ANO1: variants seen among roughly 807,000 people sequenced by gnomAD.
ANO1 encodes anoctamin-1.
Under a neutral mutation model 124.0 loss-of-function variants are expected in ANO1, and 59 were observed. The ratio of observed to expected loss-of-function variants is 0.48; its 90% CI spans 0.39 to 0.59. The LOEUF (loss-of-function observed/expected upper bound fraction) is 0.59, where lower values mean the gene tolerates loss of function less well. ANO1 is among the 20% of genes least tolerant of loss of function. ANO1 has a pLI of 0.00. For synonymous variants in ANO1, 529 were observed against 532.0 expected (o/e 0.99, Z 0.08); for missense variants, 1,059 against 1,328.0 (o/e 0.80, Z 3.15).
the ANO1 span, among the ~76,000 whole-genome samples, chr11:69,969,131 C>A: frequency 6.6e-6 from 1 of 152,216 alleles, no homozygotes; most frequent in Non-Finnish European, 1.5e-5. Context: ...GGATGTTAGA[C>A]AGCCACGGGA....
intron 1 of ANO1, among the ~76,000 whole-genome samples, chr11:69,993,192 T>C (rs1298986242): frequency 1.3e-5 from 2 of 152,196 alleles, no homozygotes; most frequent in East Asian, 1.9e-4. Context: ...TGTTTGCCCC[T>C]GGGTGTGGTG....
rs71046578 is a variant in ANO1, at chr11:70,095,248, AAAGGAAGGAAGGAAGG to A, written c.441+7203_441+7218del. Among the ~76,000 whole-genome samples the A allele has an allele frequency of 3.3e-3, 121 of 36,988 alleles. 5 individuals are homozygous for A. Among genetic ancestry groups the A allele is most frequent in the African/African-American group, 0.013 (114 of 9,034 alleles). 24.3% of individuals were successfully genotyped at this position (36,988 alleles called of 152,430 possible). On this transcript the variant is annotated intron_variant, in intron 2 of 25. Transcript: ENST00000355303. ...AGAGAGAGAGGAAAGAAAGAAAAAG[AAAGGAAGGAAGGAAGG>A]AAGGAAGGAAGGAAGGAAGGAAGGA...
At chr11:70,151,376 G>A (rs1356575463) in intron 12 of ANO1, among the ~76,000 whole-genome samples, 1 of 152,186 alleles carries the variant, frequency 6.6e-6, no homozygotes, top group African/African-American at 2.4e-5. Context: ...GGGCAGAGCG[G>A]GGGCAGAGCC....
chr11:70,099,259 C>T (rs1027590465), intron 2 of ANO1, among the ~76,000 whole-genome samples: 2 of 152,138 alleles, frequency 1.3e-5, no homozygotes, highest in South Asian at 2.1e-4. Flanking sequence ...GTGGTCAGCC[C>T]GGGCACCATG....
chr11:70,110,572 C>T (rs1360942050), intron 6 of ANO1, among the ~76,000 whole-genome samples: 1 of 152,146 alleles, frequency 6.6e-6, no homozygotes, highest in Non-Finnish European at 1.5e-5. Context: ...CTAAGCATCC[C>T]TTAGTCCCCT....
Position 70,097,938 on chromosome 11 carries a change from G to A in ANO1, c.442-5128G>A, listed in dbSNP as rs138521361. Among the ~76,000 whole-genome samples the A allele has an allele frequency of 5.1e-3, 771 of 152,328 alleles. 3 individuals carry two copies. Among genetic ancestry groups the A allele is most frequent in the Non-Finnish European group, 8.1e-3 (549 of 68,028 alleles). ...CCGTGCTGGAAGCTGGTGCCAACGG[G>A]GAGAGACAGGCAGATGCCAGGGCTG... is the stretch of plus-strand genomic sequence containing the variant. On this transcript the variant is annotated intron_variant, in intron 2 of 25. Transcript: ENST00000355303.
In ANO1 at chr11:70,027,837, G is replaced by A. The variant is rs868983307; in HGVS notation, c.58+41671G>A. On this transcript the variant is annotated intron_variant, in intron 1 of 27. Coordinates refer to the ANO1 transcript ENST00000531349. ...GAGGTGGTGCTTGCCTGCACTGGAC[G>A]TGGTTAAGCTGCCACCACGGAGGCG... Among the ~76,000 whole-genome samples the A allele has an allele frequency of 5.3e-5, 8 of 152,280 alleles. No homozygotes were observed. The South Asian group carries it at 8.3e-4, about 16-fold the overall frequency.
the ANO1 span, among the ~76,000 whole-genome samples, chr11:69,968,507 A>G: frequency 6.6e-6 from 1 of 152,242 alleles, no homozygotes; most frequent in East Asian, 1.9e-4. Context: ...GAGGAATGTG[A>G]ATTAAGCAAT....
upstream of ANO1, among the ~76,000 whole-genome samples, chr11:70,077,511 C>T (rs960231712): frequency 2.0e-5 from 3 of 152,152 alleles, no homozygotes; most frequent in Admixed American, 2.0e-4. Context: ...GGGAAGAAGA[C>T]TTGAAGATCT....
chr11:70,182,621 T>A lies in ANO1; in HGVS notation c.2523T>A (p.Ser841Arg), dbSNP rs1010117518. The part of the protein sequence containing the change: ...VNHTLSSFNV[S>R]DFQNGTAPND... ...ACACCCTCTCCTCCTTCAACGTCAGTGACTTCCAGAACGGCACGGCCCCCA... is the reference window on the plus strand; with the variant it reads ...ACACCCTCTCCTCCTTCAACGTCAGAGACTTCCAGAACGGCACGGCCCCCA... Residue 841 changes from serine to arginine, a missense_variant, in exon 24 of 26, where the codon AGT (serine) becomes AGA (arginine). Ser to Arg is a moderately radical substitution (Grantham distance 110). Around this residue, in one of 2 missense-constraint regions of ANO1, gnomAD observed 809 missense variants for 1,094.9 expected, o/e 0.74. Transcript: ENST00000355303. 2 of 1,613,546 alleles carry A rather than the reference T, an allele frequency of 1.2e-6. No homozygotes were observed. The highest frequency in any genetic ancestry group is 1.7e-6 in the Non-Finnish European group (2 of 1,179,710).
intron 11 of ANO1, among the ~76,000 whole-genome samples, chr11:70,133,410 A>G (rs1001442271): frequency 1.3e-5 from 2 of 152,164 alleles, no homozygotes; most frequent in African/African-American, 4.8e-5. Context: ...CCTCCTGACC[A>G]AGGAGCAGCT....
At chr11:70,122,363 C>G (rs1262609044) in intron 8 of ANO1, among the ~76,000 whole-genome samples, 1 of 133,974 alleles carries the variant, frequency 7.5e-6, no homozygotes, top group Non-Finnish European at 1.6e-5. Flanking sequence ...CTCTCTCTCT[C>G]CGTCTCCCCC....
rs78353548 is a variant in ANO1 at position 70,037,637 on chromosome 11, G to C, written c.59-40905G>C. Among the ~76,000 whole-genome samples, 24 of 152,050 alleles carry C rather than the reference G, an allele frequency of 1.6e-4. 1 individual carries two copies. Among genetic ancestry groups the C allele is most frequent in the Admixed American group, 1.5e-3 (23 of 15,268 alleles). On this transcript the variant is annotated intron_variant, in intron 1 of 27. Coordinates refer to the ANO1 transcript ENST00000531349. ...CAGCTGAGGGGTCCCTGGGAGAGGC[G>C]CTCCCTGAGCCTCAGCTTTGACTTC... is the stretch of plus-strand genomic sequence containing the variant.
chr11:70,111,678 A>G (rs753540729), intron 6 of ANO1, 29 bp from the exon 7 acceptor site: 7 of 1,613,356 alleles, frequency 4.3e-6, no homozygotes, highest in South Asian at 3.3e-5. Context: ...CGCCTGCCCC[A>G]TAACCTTCTC....
intron 20 of ANO1, among the ~76,000 whole-genome samples, chr11:70,166,539 C>G (rs1338583415): frequency 1.3e-5 from 2 of 152,138 alleles, no homozygotes; most frequent in Non-Finnish European, 2.9e-5. Context: ...AAATCCATGT[C>G]CCATTCCCAC....
chr11:70,128,149 T>G (rs2046597315), intron 10 of ANO1, among the ~76,000 whole-genome samples: 1 of 152,122 alleles, frequency 6.6e-6, no homozygotes, highest in African/African-American at 2.4e-5. Context: ...GAATAACACC[T>G]AAAATATTCC....
chr11:70,111,165 G>C lies in ANO1; in HGVS notation c.800-542G>C, dbSNP rs1411680323. The C allele has an allele frequency of 2.0e-5, 9 of 457,196 alleles. No homozygotes were observed. In the Admixed American group the frequency reaches 2.1e-4, roughly 11 times the overall value. The allele number at this position is 457,196 out of a possible 1,614,324, so 28.3% of individuals were successfully genotyped here. On this transcript the variant is annotated intron_variant, in intron 6 of 25. Coordinates refer to ENST00000355303, the MANE Select transcript of ANO1 (RefSeq NM_018043.7). ...AGAAAGAAGGACTCCGCCCTTCTAA[G>C]TAAAAGGCGGAAATGTGGGAAGTAT...
At chr11:70,149,380 G>A (rs1430878370) in intron 11 of ANO1, among the ~76,000 whole-genome samples, 2 of 152,240 alleles carry the variant, frequency 1.3e-5, no homozygotes, top group African/African-American at 2.4e-5. Context: ...GCTGGGCGTG[G>A]TGGCTCACGC....
intron 23 of ANO1, among the ~76,000 whole-genome samples, chr11:70,180,383 G>A (rs935097862): frequency 6.6e-5 from 10 of 151,784 alleles, no homozygotes; most frequent in African/African-American, 1.7e-4. Context: ...AGCTATTCTC[G>A]TGCCTCAGTC....
Sources: allele counts gnomAD v4.1 joint callset (sites outside exome capture counted in the v4.1 genomes callset), GRCh38; gene constraint gnomAD v4.1.1; regional missense constraint gnomAD v4.1.1; transcripts MANE v1.5; gene names NCBI Gene and HGNC (gene_info 2026-07-23, HGNC 2026-07-21).